Variants in ELOVL4 observed in about 807,000 individuals in gnomAD.
The protein encoded by ELOVL4 is very long chain fatty acid elongase 4.
ELOVL4 carries 18 observed loss-of-function variants against 42.1 expected under a neutral mutation model. The observed-to-expected ratio is 0.43, with a 90% CI of 0.30 to 0.63. ELOVL4 has a LOEUF of 0.63. Among genes scored for constraint, ELOVL4 ranks in the 30% least tolerant of loss-of-function variants. ELOVL4 has a pLI of 0.15. For synonymous variants in ELOVL4, 117 were observed against 127.0 expected (o/e 0.92, Z 0.53); for missense variants, 299 against 376.2 (o/e 0.79, Z 1.70).
chr6:79,915,405 A>G lies in ELOVL4; in HGVS notation c.*1203T>C. 6.5e-6 allele frequency: 1 copy of G among 152,736 alleles called. No individual in the cohort carries two copies. Among genetic ancestry groups the G allele is most frequent in the Middle Eastern group, 3.4e-3 (1 of 294 alleles). The allele number at this position is 152,736 out of a possible 1,614,324, so 9.5% of individuals were successfully genotyped here. On this transcript the variant is annotated 3_prime_UTR_variant, in exon 6 of 6. Coordinates refer to ENST00000369816, the MANE Select transcript of ELOVL4 (RefSeq NM_022726.4). Reference sequence around the variant, plus strand: ...TCAAGCATTGAATTTAACAATCTTTAGCACCAAGGAGTCAAGAATATTGCA... The same window carrying G: ...TCAAGCATTGAATTTAACAATCTTTGGCACCAAGGAGTCAAGAATATTGCA...
At chr6:79,922,270 C>CA (rs1774272139) in intron 3 of ELOVL4, among the ~76,000 whole-genome samples, 2 of 152,064 alleles carry the variant, frequency 1.3e-5, no homozygotes, top group Non-Finnish European at 2.9e-5. Flanking sequence ...CCCCTCACCT[C>CA]CCTCTCTCCC....
chr6:79,919,575 G>C (rs752621101), intron 4 of ELOVL4, 28 bp from the exon 5 acceptor site: 5 of 1,611,010 alleles, frequency 3.1e-6, no homozygotes, highest in Non-Finnish European at 3.4e-6. Flanking sequence ...GTAATTACAA[G>C]ATACAGAAAA....
At chr6:79,946,232 T>G (rs1774738560) in intron 1 of ELOVL4, among the ~76,000 whole-genome samples, 1 of 152,248 alleles carries the variant, frequency 6.6e-6, no homozygotes, top group Non-Finnish European at 1.5e-5. Flanking sequence ...TTAAACCTTA[T>G]TTTAGATTTC....
At chr6:79,936,542 G>C (rs1039492575) in intron 1 of ELOVL4, among the ~76,000 whole-genome samples, 1 of 152,148 alleles carries the variant, frequency 6.6e-6, no homozygotes, top group Non-Finnish European at 1.5e-5. Context: ...GTTCCTTGCT[G>C]TATCTCTGTT....
chr6:79,931,078 A>G (rs763149563), intron 1 of ELOVL4, among the ~76,000 whole-genome samples: 5 of 152,226 alleles, frequency 3.3e-5, no homozygotes, highest in Non-Finnish European at 7.3e-5. Context: ...TTCTCTTTAG[A>G]AAGTTTTGGT....
intron 1 of ELOVL4, among the ~76,000 whole-genome samples, chr6:79,930,173 A>T (rs571772420): frequency 1.3e-5 from 2 of 152,188 alleles, no homozygotes; most frequent in Admixed American, 1.3e-4. Flanking sequence ...TTCATTCCTT[A>T]CTCCAGGGGA....
intron 1 of ELOVL4, among the ~76,000 whole-genome samples, chr6:79,926,824 G>C (rs779534200): frequency 6.6e-6 from 1 of 152,214 alleles, no homozygotes; most frequent in Non-Finnish European, 1.5e-5. Flanking sequence ...AATGTAACTG[G>C]AGAGGTACGT....
intron 1 of ELOVL4, among the ~76,000 whole-genome samples, chr6:79,934,204 C>T (rs1025908949): frequency 6.6e-5 from 10 of 152,066 alleles, no homozygotes; most frequent in South Asian, 6.2e-4. Flanking sequence ...GGAGCATGTA[C>T]AGTGAGAGAA....
intron 1 of ELOVL4, among the ~76,000 whole-genome samples, chr6:79,938,799 C>T (rs566708243): frequency 5.3e-5 from 8 of 152,246 alleles, no homozygotes; most frequent in African/African-American, 1.9e-4. Context: ...AACAGTGATA[C>T]TCTGTAGATA....
intron 1 of ELOVL4, among the ~76,000 whole-genome samples, chr6:79,929,307 C>A (rs1774404220): frequency 6.6e-6 from 1 of 152,120 alleles, no homozygotes; most frequent in Admixed American, 6.6e-5. Flanking sequence ...GTAGCACGAT[C>A]TCCGTCCACT....
intron 1 of ELOVL4, among the ~76,000 whole-genome samples, chr6:79,939,699 A>G (rs574901025): frequency 6.6e-6 from 1 of 151,660 alleles, no homozygotes; most frequent in East Asian, 1.9e-4. Context: ...AATTTTTAAT[A>G]TTTTTTTGTT....
At position 79,947,442 on chromosome 6, in the gene ELOVL4, G is replaced by C. The variant is rs374986643; in HGVS notation, c.-163C>G. On this transcript the variant is annotated 5_prime_UTR_variant, in exon 1 of 6. Coordinates refer to ENST00000369816, the MANE Select transcript of ELOVL4 (RefSeq NM_022726.4). ...CTGCTCCTCAAGGCGCCGCGGCGGC[G>C]GGGATGCGGCAGAAGGCAGGGCCAA... is the stretch of plus-strand genomic sequence containing the variant. 2 of 649,382 alleles carry C rather than the reference G, an allele frequency of 3.1e-6. No homozygotes were observed. The highest frequency in any genetic ancestry group is 5.5e-6 in the Non-Finnish European group (2 of 365,128). 40.2% of individuals were successfully genotyped at this position (649,382 alleles called of 1,614,324 possible).
intron 1 of ELOVL4, among the ~76,000 whole-genome samples, chr6:79,943,789 C>T (rs976742708): frequency 3.9e-5 from 6 of 152,172 alleles, no homozygotes; most frequent in African/African-American, 9.7e-5. Flanking sequence ...TTCCACATTT[C>T]GTCATCCTAC....
In ELOVL4 at chr6:79,947,538, C is replaced by T. The variant is rs968955594; in HGVS notation, c.-259G>A. 13 of 498,270 alleles carry T rather than the reference C, an allele frequency of 2.6e-5. No individual in the cohort carries two copies. Among genetic ancestry groups the T allele is most frequent in the Middle Eastern group, 5.7e-4 (1 of 1,764 alleles). 30.9% of individuals were successfully genotyped at this position (498,270 alleles called of 1,614,324 possible). On this transcript the variant is annotated 5_prime_UTR_variant, in exon 1 of 6. Transcript: ENST00000369816. Reference sequence around the variant, plus strand: ...AGGAGGCCCAGCCGCCAGCACAGTGCGCTGCACCAGTCTGCAGCCTCGCGC... The same window carrying T: ...AGGAGGCCCAGCCGCCAGCACAGTGTGCTGCACCAGTCTGCAGCCTCGCGC...
intron 1 of ELOVL4, 38 bp downstream of exon 1, chr6:79,947,141 CG>C: frequency 6.5e-7 from 1 of 1,549,774 alleles, no homozygotes. Context: ...TGACCCCCCG[CG>C]GGGGACCGAG....
At position 79,947,069 on chromosome 6, in the gene ELOVL4, G is replaced by A. The variant is rs566118673; in HGVS notation, c.100+111C>T. The stretch of plus-strand genomic sequence containing the variant: ...GCCCCTCCGCTGATCCGCAGCATCC[G>A]AAAGCCGCAGGGCGCGGGGGCCTGT... On this transcript the variant is annotated intron_variant, in intron 1 of 5. Coordinates refer to ENST00000369816, the MANE Select transcript of ELOVL4 (RefSeq NM_022726.4). 6 of 897,528 alleles carry A rather than the reference G, an allele frequency of 6.7e-6. No homozygotes were observed. The South Asian group carries it at 8.5e-5, about 13-fold the overall frequency. 55.6% of individuals were successfully genotyped at this position (897,528 alleles called of 1,614,324 possible).
At chr6:79,930,288 C>G (rs573832281) in intron 1 of ELOVL4, among the ~76,000 whole-genome samples, 1 of 152,186 alleles carries the variant, frequency 6.6e-6, no homozygotes, top group African/African-American at 2.4e-5. Context: ...CCACATTTTA[C>G]ACCATACCCT....
chr6:79,919,457 T>C lies in ELOVL4; in HGVS notation c.632A>G (p.Tyr211Cys). The change falls in exon 5 of 6, where the codon TAT becomes TGT. Residue 211 changes from tyrosine (Y) to cysteine (C), a missense_variant. Tyr to Cys is a radical substitution (Grantham distance 194, BLOSUM62 -2). Coordinates refer to ENST00000369816, the MANE Select transcript of ELOVL4 (RefSeq NM_022726.4). ...LTAFGPWIQK[Y>C]LWWKRYLTML... ...AGTCAGGTATCGTTTCCACCAAAGA[T>C]ATTTCTGAATCCATGGGCCAAATGC... The C allele has an allele frequency of 3.7e-6, 6 of 1,613,836 alleles. No individual in the cohort carries two copies. Among genetic ancestry groups the C allele is most frequent in the Non-Finnish European group, 5.1e-6 (6 of 1,179,840 alleles).
chr6:79,933,087 G>C (rs1196739693), intron 1 of ELOVL4, among the ~76,000 whole-genome samples: 1 of 152,122 alleles, frequency 6.6e-6, no homozygotes, highest in South Asian at 2.1e-4. Context: ...TGGAAACTAA[G>C]CAGACATGAT....
Sources: allele counts gnomAD v4.1 joint callset (sites outside exome capture counted in the v4.1 genomes callset), GRCh38; gene constraint gnomAD v4.1.1; transcripts MANE v1.5; gene names NCBI Gene and HGNC (gene_info 2026-07-23, HGNC 2026-07-21).